The following RBMS3 variants were observed in gnomAD, a reference collection of about 807,000 sequenced individuals.
RBMS3 encodes RNA-binding motif, single-stranded-interacting protein 3.
Under a neutral mutation model 66.8 loss-of-function variants are expected in RBMS3, and 27 were observed. The ratio of observed to expected loss-of-function variants is 0.40; its 90% CI spans 0.30 to 0.56. The LOEUF is 0.56. RBMS3 is among the 20% of genes least tolerant of loss of function. The pLI is 0.40. For synonymous variants in RBMS3, 188 were observed against 183.0 expected (o/e 1.03, Z -0.22); for missense variants, 513 against 549.5 (o/e 0.93, Z 0.66).
intron 2 of RBMS3, among the ~76,000 whole-genome samples, chr3:29,472,632 G>A (rs1012951341): frequency 6.6e-6 from 1 of 152,096 alleles, no homozygotes; most frequent in African/African-American, 2.4e-5. Context: ...CAGGAGTGAA[G>A]CTGCAGACCT....
chr3:29,857,667 T>G (rs1038543044), intron 6 of RBMS3, among the ~76,000 whole-genome samples: 2 of 152,010 alleles, frequency 1.3e-5, no homozygotes, highest in African/African-American at 4.8e-5. Flanking sequence ...AATAATTTGA[T>G]CACAGGATAT....
At chr3:29,380,136 A>G (rs929609050) in intron 1 of RBMS3, among the ~76,000 whole-genome samples, 1 of 152,040 alleles carries the variant, frequency 6.6e-6, no homozygotes, top group Non-Finnish European at 1.5e-5. Flanking sequence ...TGGGTACTCT[A>G]TTATTCAAGG....
At chr3:29,921,900 C>T (rs2060791428) in intron 10 of RBMS3, among the ~76,000 whole-genome samples, 1 of 152,152 alleles carries the variant, frequency 6.6e-6, no homozygotes, top group Admixed American at 6.5e-5. Context: ...CCAGAGCCTC[C>T]TGCTGAAGCA....
intron 4 of RBMS3, among the ~76,000 whole-genome samples, chr3:29,653,443 T>C (rs149578813): frequency 6.6e-6 from 1 of 152,310 alleles, no homozygotes; most frequent in East Asian, 1.9e-4. Flanking sequence ...TGAAGGATGA[T>C]ACAGAACTGA....
rs1008498442 is a variant in RBMS3, at chr3:30,008,419, T to C, written c.*4557T>C. 6.6e-6 allele frequency: 1 copy of C among 152,114 alleles called. No individual in the cohort carries two copies. Among genetic ancestry groups the C allele is most frequent in the African/African-American group, 2.4e-5 (1 of 41,444 alleles). 9.4% of individuals were successfully genotyped at this position (152,114 alleles called of 1,614,324 possible). ...TAAAGGGACAATGTTTATGTACGTG[T>C]ATAACAACATTCAGCACATTTGAGG... is the stretch of plus-strand genomic sequence containing the variant. On this transcript the variant is annotated 3_prime_UTR_variant, in exon 15 of 15. Coordinates refer to ENST00000383767, the MANE Select transcript of RBMS3 (RefSeq NM_001003793.3).
intron 5 of RBMS3, 27 bp downstream of exon 5, chr3:29,739,904 G>A (rs775427839): frequency 8.9e-6 from 13 of 1,464,114 alleles, no homozygotes; most frequent in South Asian, 6.0e-5. Flanking sequence ...GTATGTAATC[G>A]TTCTTTCCTC....
At chr3:29,834,683 A>G (rs1047675156) in intron 6 of RBMS3, among the ~76,000 whole-genome samples, 9 of 152,106 alleles carry the variant, frequency 5.9e-5, no homozygotes, top group African/African-American at 2.2e-4. Flanking sequence ...ATAGAAAAGC[A>G]TCAGTTCACA....
intron 4 of RBMS3, among the ~76,000 whole-genome samples, chr3:29,592,212 A>G (rs768296356): frequency 1.3e-5 from 2 of 150,700 alleles, no homozygotes; most frequent in Non-Finnish European, 3.0e-5. Flanking sequence ...ACACACACAC[A>G]CAATGAATTT....
At chr3:29,667,773 C>G (rs753933610) in intron 4 of RBMS3, among the ~76,000 whole-genome samples, 132 of 151,812 alleles carry the variant, frequency 8.7e-4, no homozygotes, top group Non-Finnish European at 1.4e-3. Context: ...ATCTCTAAGC[C>G]CATATTTATA....
At chr3:29,813,603 T>C (rs2057786545) in intron 6 of RBMS3, among the ~76,000 whole-genome samples, 1 of 152,192 alleles carries the variant, frequency 6.6e-6, no homozygotes, top group Non-Finnish European at 1.5e-5. Context: ...TGATTCTTCC[T>C]ACCCATGAGC....
At chr3:29,922,441 T>C (rs1323450653) in intron 10 of RBMS3, among the ~76,000 whole-genome samples, 5 of 142,036 alleles carry the variant, frequency 3.5e-5, no homozygotes, top group Middle Eastern at 4.4e-3. Flanking sequence ...GAGCCGAGAT[T>C]GCGCCACTGC....
At chr3:29,739,418 T>C (rs2054530926) in intron 4 of RBMS3, among the ~76,000 whole-genome samples, 1 of 143,984 alleles carries the variant, frequency 6.9e-6, no homozygotes, top group Admixed American at 7.2e-5. Flanking sequence ...ATCGCGCCAC[T>C]GCACTCCAGC....
At chr3:29,509,201 C>A (rs1009901237) in intron 3 of RBMS3, among the ~76,000 whole-genome samples, 2 of 151,998 alleles carry the variant, frequency 1.3e-5, no homozygotes, top group Admixed American at 6.6e-5. Context: ...CAATGAGCAA[C>A]CTATGTGGCC....
At chr3:29,674,738 A>G (rs1340029778) in intron 4 of RBMS3, among the ~76,000 whole-genome samples, 6 of 24,158 alleles carry the variant, frequency 2.5e-4, no homozygotes, top group Non-Finnish European at 8.4e-5. Flanking sequence ...CCACTGCTCC[A>G]AAAAAAAAAA....
intron 6 of RBMS3, among the ~76,000 whole-genome samples, chr3:29,771,324 T>C (rs1440492412): frequency 6.6e-6 from 1 of 152,056 alleles, no homozygotes; most frequent in Non-Finnish European, 1.5e-5. Flanking sequence ...ATCTCTCCCA[T>C]CTTCCTTAAA....
chr3:29,287,489 C>T (rs1287015561), intron 1 of RBMS3, among the ~76,000 whole-genome samples: 2 of 151,878 alleles, frequency 1.3e-5, no homozygotes, highest in Non-Finnish European at 2.9e-5. Flanking sequence ...AAATAGGTGG[C>T]AGTATATTGC....
chr3:29,737,384 G>C (rs2054430464), intron 4 of RBMS3, among the ~76,000 whole-genome samples: 1 of 152,258 alleles, frequency 6.6e-6, no homozygotes, highest in African/African-American at 2.4e-5. Flanking sequence ...CTAACATTTG[G>C]TGTTTCAAAT....
chr3:29,992,473 C>T (rs538561264), intron 14 of RBMS3, among the ~76,000 whole-genome samples: 2 of 152,030 alleles, frequency 1.3e-5, no homozygotes, highest in Non-Finnish European at 2.9e-5. Context: ...TGTAGTCCCA[C>T]CTACTCTGGG....
At chr3:29,598,676 G>A (rs919798371) in intron 4 of RBMS3, among the ~76,000 whole-genome samples, 1 of 151,940 alleles carries the variant, frequency 6.6e-6, no homozygotes, top group Non-Finnish European at 1.5e-5. Flanking sequence ...ATTTGAGGAG[G>A]TGCCTTCATC....
Sources: allele counts gnomAD v4.1 joint callset (sites outside exome capture counted in the v4.1 genomes callset), GRCh38; gene constraint gnomAD v4.1.1; transcripts MANE v1.5; gene names NCBI Gene and HGNC (gene_info 2026-07-23, HGNC 2026-07-21).